NFIB: variants seen among roughly 807,000 people sequenced by gnomAD.
NFIB encodes the protein nuclear factor I B.
NFIB carries 11 observed loss-of-function variants against 61.5 expected under a neutral mutation model. The observed-to-expected ratio is 0.18, with a 90% CI of 0.11 to 0.30. The LOEUF (loss-of-function observed/expected upper bound fraction) is 0.30. Among genes scored for constraint, NFIB ranks in the 10% least tolerant of loss-of-function variants. The probability of loss-of-function intolerance (pLI) is 1.00; values close to 1 mark genes in which losing one functional copy is unlikely to be tolerated. For synonymous variants in NFIB, 260 were observed against 216.5 expected, an observed-to-expected ratio of 1.20 and a Z score of -1.76; for missense variants, 471 against 608.9, an observed-to-expected ratio of 0.77 and a Z score of 2.38.
chr9:14,197,680 A>G (rs972426804), intron 2 of NFIB, among the ~76,000 whole-genome samples: 1 of 152,230 alleles, frequency 6.6e-6, no homozygotes, highest in Non-Finnish European at 1.5e-5. Flanking sequence ...GGCTATAGGT[A>G]AACTTTGACA....
At chr9:14,315,517 G>GGGGCCGCGGCGCGCCCGGGGCTGCGGGGC (rs1291060616), upstream of NFIB, among the ~76,000 whole-genome samples, 2 of 143,288 alleles carry the variant, frequency 1.4e-5, no homozygotes, top group Admixed American at 6.8e-5. Flanking sequence ...CAGGCGGGGC[G>GGGGCCGCGGCGCGCCCGGGGCTGCGGGGC]GGGCCGCGGC....
chr9:14,356,702 G>A (rs1181603163), intron 1 of NFIB, among the ~76,000 whole-genome samples: 5 of 152,220 alleles, frequency 3.3e-5, no homozygotes, highest in Admixed American at 3.3e-4. Flanking sequence ...GGAGGGCTGA[G>A]CTGGAGAGTA....
intron 2 of NFIB, among the ~76,000 whole-genome samples, chr9:14,193,639 A>G (rs867257598): frequency 2.0e-4 from 30 of 152,338 alleles, no homozygotes; most frequent in Middle Eastern, 3.4e-3. Context: ...GTAACACTCT[A>G]TAGTGTTTTG....
At chr9:14,254,381 C>A (rs2055993627) in intron 2 of NFIB, among the ~76,000 whole-genome samples, 1 of 152,166 alleles carries the variant, frequency 6.6e-6, no homozygotes, top group Non-Finnish European at 1.5e-5. Context: ...CAGATATGAG[C>A]TCCTCCACTG....
At chr9:14,176,256 TAAA>T (rs58705977) in intron 3 of NFIB, among the ~76,000 whole-genome samples, 1,663 of 131,420 alleles carry the variant, frequency 0.013, 14 homozygotes, top group East Asian at 0.016. Context: ...ATTAACTTGT[TAAA>T]AAAAAAAAAA....
intron 2 of NFIB, among the ~76,000 whole-genome samples, chr9:14,222,976 C>G (rs1012746295): frequency 1.3e-5 from 2 of 152,004 alleles, no homozygotes; most frequent in African/African-American, 4.8e-5. Context: ...TCAGGGGTGT[C>G]CAATCTTTTG....
intron 10 of NFIB, among the ~76,000 whole-genome samples, chr9:14,091,591 T>C (rs1384169482): frequency 6.6e-6 from 1 of 152,020 alleles, no homozygotes; most frequent in Non-Finnish European, 1.5e-5. Flanking sequence ...ACTGAAAGGA[T>C]TTCAAAATAT....
intron 6 of NFIB, among the ~76,000 whole-genome samples, chr9:14,137,062 G>A (rs1164728321): frequency 6.6e-6 from 1 of 152,260 alleles, no homozygotes; most frequent in East Asian, 1.9e-4. Flanking sequence ...CCTCTATTTA[G>A]TAATGGACCA....
intron 2 of NFIB, among the ~76,000 whole-genome samples, chr9:14,199,012 G>C (rs1474247892): frequency 6.6e-6 from 1 of 152,168 alleles, no homozygotes; most frequent in African/African-American, 2.4e-5. Flanking sequence ...GCTTTAAATA[G>C]AATTCTACTC....
the NFIB span, among the ~76,000 whole-genome samples, chr9:14,435,914 A>T: frequency 6.6e-6 from 1 of 152,226 alleles, no homozygotes; most frequent in Admixed American, 6.5e-5. Flanking sequence ...ATACTATTAA[A>T]TGCCACACCC....
intron 3 of NFIB, among the ~76,000 whole-genome samples, chr9:14,174,944 C>G (rs572211312): frequency 6.6e-6 from 1 of 152,006 alleles, no homozygotes; most frequent in Non-Finnish European, 1.5e-5. Context: ...CTAAGTTTGT[C>G]CTAAATTCTA....
chr9:14,418,495 A>G, the NFIB span, among the ~76,000 whole-genome samples: 74 of 152,292 alleles, frequency 4.9e-4, no homozygotes, highest in African/African-American at 1.7e-3. Context: ...TGCTGCTTAG[A>G]ACCAGGGTGA....
chr9:14,334,431 C>A (rs1348196627), intron 1 of NFIB, among the ~76,000 whole-genome samples: 1 of 152,198 alleles, frequency 6.6e-6, no homozygotes, highest in Admixed American at 6.5e-5. Flanking sequence ...TTTCAAATGA[C>A]TGATGAGGCT....
intron 1 of NFIB, among the ~76,000 whole-genome samples, chr9:14,366,210 T>A (rs2061298057): frequency 6.6e-6 from 1 of 152,138 alleles, no homozygotes; most frequent in Non-Finnish European, 1.5e-5. Context: ...AGAATTGAGA[T>A]CCAGTTGCAT....
At chr9:14,239,521 T>C (rs1419879777) in intron 2 of NFIB, among the ~76,000 whole-genome samples, 1 of 152,140 alleles carries the variant, frequency 6.6e-6, no homozygotes, top group Non-Finnish European at 1.5e-5. Context: ...ATACTACAAG[T>C]CACTTATTAT....
At chr9:14,273,932 T>C (rs1022947810) in intron 2 of NFIB, among the ~76,000 whole-genome samples, 5 of 152,170 alleles carry the variant, frequency 3.3e-5, no homozygotes, top group Admixed American at 6.5e-5. Context: ...TCACCACAAT[T>C]AGCCACAGGG....
At chr9:14,478,195 T>C in the NFIB span, among the ~76,000 whole-genome samples, 2 of 152,186 alleles carry the variant, frequency 1.3e-5, no homozygotes, top group African/African-American at 4.8e-5. Context: ...TTGAGGATTA[T>C]TGGCCAGACT....
At chr9:14,134,747 A>C (rs1463106913) in intron 6 of NFIB, among the ~76,000 whole-genome samples, 1 of 151,978 alleles carries the variant, frequency 6.6e-6, no homozygotes, top group Non-Finnish European at 1.5e-5. Flanking sequence ...AACTACAAAA[A>C]TTAGCTGGCC....
chr9:14,252,786 T>C (rs1587938958), intron 2 of NFIB, among the ~76,000 whole-genome samples: 1 of 141,442 alleles, frequency 7.1e-6, no homozygotes, highest in East Asian at 2.0e-4. Flanking sequence ...CCATACAACT[T>C]TGTGGAGGAA....
Sources: gnomAD v4.1 joint callset for allele counts (sites outside exome capture counted in the v4.1 genomes callset) on GRCh38, gnomAD v4.1.1 for gene constraint, MANE v1.5 for transcripts, NCBI Gene and HGNC (gene_info 2026-07-23, HGNC 2026-07-21) for gene names.